Variants in MAGOH observed in about 807,000 individuals in gnomAD.
The protein encoded by MAGOH is mago homolog, exon junction complex subunit.
In MAGOH, 3 loss-of-function variants were observed where a neutral mutation model predicts 20.9. The ratio of observed to expected loss-of-function variants is 0.14; its 90% CI spans 0.07 to 0.37. The LOEUF is 0.37. MAGOH is among the 10% of genes least tolerant of loss of function. The pLI, the probability that MAGOH is intolerant of heterozygous loss-of-function variation, is 1.00. For missense variants in MAGOH, 66 were observed against 178.1 expected, an observed-to-expected ratio of 0.37 and a Z score of 3.58; for synonymous variants, 51 against 61.0, an observed-to-expected ratio of 0.84 and a Z score of 0.76.
At chr1:53,235,412 C>T (rs1227047697) in intron 2 of MAGOH, among the ~76,000 whole-genome samples, 165 bp downstream of exon 2, 3 of 152,140 alleles carry the variant, frequency 2.0e-5, no homozygotes, top group African/African-American at 7.2e-5. Flanking sequence ...ATAAAAAAAT[C>T]CCAACTAAAA....
Position 53,226,983 on chromosome 1 carries a change from G to A in MAGOH, c.*62C>T, listed in dbSNP as rs1041480111. ...CATTTATAGTTCATAAAAAAATACT[G>A]CCCTGATATACACAAAATTTTCTAC... On this transcript the variant is annotated 3_prime_UTR_variant, in exon 5 of 5. Coordinates refer to ENST00000371470, the MANE Select transcript of MAGOH (RefSeq NM_002370.4). The A allele has an allele frequency of 1.2e-5, 10 of 805,718 alleles. No individual in the cohort carries two copies. Among genetic ancestry groups the A allele is most frequent in the Admixed American group, 2.8e-5 (1 of 35,294 alleles). 49.9% of individuals were successfully genotyped at this position (805,718 alleles called of 1,614,324 possible).
intron 3 of MAGOH, among the ~76,000 whole-genome samples, chr1:53,232,738 G>C (rs1645592400): frequency 6.6e-6 from 1 of 152,238 alleles, no homozygotes; most frequent in Non-Finnish European, 1.5e-5. Context: ...GTGGGAGTTT[G>C]AATTTTAAGT....
chr1:53,229,046 T>C, intron 3 of MAGOH, 92 bp from the exon 4 acceptor site: 1 of 823,514 alleles, frequency 1.2e-6, no homozygotes, highest in South Asian at 1.4e-5. Context: ...CACACAAACT[T>C]GACTACAGAT....
intron 3 of MAGOH, among the ~76,000 whole-genome samples, chr1:53,231,176 A>C (rs1190400112): frequency 6.6e-6 from 1 of 152,190 alleles, no homozygotes; most frequent in Non-Finnish European, 1.5e-5. Context: ...TGAAGCCGTA[A>C]ATCTTTTCAT....
At chr1:53,233,449 T>G in intron 3 of MAGOH, 93 bp downstream of exon 3, 5 of 780,190 alleles carry the variant, frequency 6.4e-6, no homozygotes, top group Non-Finnish European at 1.1e-5. Context: ...AGTTAGTAAG[T>G]GAGATAGGCA....
Position 53,233,675 on chromosome 1 carries a change from A to T in MAGOH, c.148-23T>A, listed in dbSNP as rs376446727. 3.4e-6 allele frequency: 5 copies of T among 1,459,284 alleles called. No homozygotes were observed. The African/African-American group carries it at 7.0e-5, about 20-fold the overall frequency. The allele number at this position is 1,459,284 out of a possible 1,614,324, so 90.4% of individuals were successfully genotyped here. ...AGCCTGAACGCAAGTTAAAAAACAAAATGTATGTTGTATCCTTAAGCAGTG... is the reference window on the plus strand; with the variant it reads ...AGCCTGAACGCAAGTTAAAAAACAATATGTATGTTGTATCCTTAAGCAGTG... On this transcript the variant is annotated intron_variant, in intron 2 of 4. Transcript: ENST00000371470.
At chr1:53,234,346 C>T (rs1645601150) in intron 2 of MAGOH, among the ~76,000 whole-genome samples, 1 of 151,678 alleles carries the variant, frequency 6.6e-6, no homozygotes, top group Admixed American at 6.6e-5. Flanking sequence ...AAAAAAGAGA[C>T]TGCGACACCC....
In MAGOH at chr1:53,233,655, G is replaced by A; in HGVS notation, c.148-3C>T. ...ATCACGCTTTTATGTACATAAGCCT[G>A]AACGCAAGTTAAAAAACAAAATGTA... On this transcript the variant is annotated splice_region_variant and splice_polypyrimidine_tract_variant and intron_variant, in intron 2 of 4. Transcript: ENST00000371470. 1 of 1,591,598 alleles carries A rather than the reference G, an allele frequency of 6.3e-7. No homozygotes were observed. Among genetic ancestry groups the A allele is most frequent in the Admixed American group, 1.7e-5 (1 of 59,574 alleles).
chr1:53,226,980 A>G lies in MAGOH; in HGVS notation c.*65T>C. On this transcript the variant is annotated 3_prime_UTR_variant, in exon 5 of 5. Coordinates refer to ENST00000371470, the MANE Select transcript of MAGOH (RefSeq NM_002370.4). ...AATCATTTATAGTTCATAAAAAAAT[A>G]CTGCCCTGATATACACAAAATTTTC... is the stretch of plus-strand genomic sequence containing the variant. The G allele has an allele frequency of 1.3e-6, 1 of 767,300 alleles. No individual in the cohort carries two copies. The allele number at this position is 767,300 out of a possible 1,614,324, so 47.5% of individuals were successfully genotyped here.
intron 3 of MAGOH, among the ~76,000 whole-genome samples, chr1:53,230,297 T>A (rs189302123): frequency 3.5e-4 from 53 of 152,370 alleles, no homozygotes; most frequent in African/African-American, 1.2e-3. Flanking sequence ...ATTGCCATAC[T>A]TGTGTCAGAT....
intron 3 of MAGOH, 183 bp downstream of exon 3, chr1:53,233,359 G>T: frequency 6.0e-6 from 3 of 496,506 alleles, no homozygotes; most frequent in African/African-American, 1.9e-5. Flanking sequence ...TGAATTATTT[G>T]TATGATTTTC....
chr1:53,227,022 C>A lies in MAGOH; in HGVS notation c.*23G>T. On this transcript the variant is annotated 3_prime_UTR_variant, in exon 5 of 5. Coordinates refer to ENST00000371470, the MANE Select transcript of MAGOH (RefSeq NM_002370.4). The stretch of plus-strand genomic sequence containing the variant: ...AAAATTTTCTACTCCCACCCACCCC[C>A]CATGTCCACACCAATATTCAGTCTA... The A allele has an allele frequency of 8.8e-7, 1 of 1,139,656 alleles. No homozygotes were observed. Among genetic ancestry groups the A allele is most frequent in the South Asian group, 1.4e-5 (1 of 70,874 alleles). 70.6% of individuals were successfully genotyped at this position (1,139,656 alleles called of 1,614,324 possible). A position where few individuals can be genotyped will look rare whatever the true frequency, so the allele number is the denominator to read the frequency against.
intron 3 of MAGOH, among the ~76,000 whole-genome samples, chr1:53,231,000 G>A (rs1014421346): frequency 2.0e-5 from 3 of 152,086 alleles, no homozygotes; most frequent in Non-Finnish European, 2.9e-5. Context: ...ATAATTCCTA[G>A]TATTTTAAAT....
chr1:53,228,992 G>T, intron 3 of MAGOH, 38 bp from the exon 4 acceptor site: 1 of 1,341,306 alleles, frequency 7.5e-7, no homozygotes, highest in Non-Finnish European at 1.1e-6. Flanking sequence ...AAGTAGAATT[G>T]GATTATTCAT....
At chr1:53,235,507 T>C in intron 2 of MAGOH, 70 bp downstream of exon 2, 2 of 1,342,744 alleles carry the variant, frequency 1.5e-6, no homozygotes, top group Admixed American at 3.5e-5. Context: ...CTAGAAACAA[T>C]AAAAACAATG....
At chr1:53,234,360 T>C (rs971095621) in intron 2 of MAGOH, among the ~76,000 whole-genome samples, 1 of 150,526 alleles carries the variant, frequency 6.6e-6, no homozygotes, top group African/African-American at 2.4e-5. Context: ...GACACCCACA[T>C]GCCCTGGTTA....
At chr1:53,235,245 G>A (rs1645605505) in intron 2 of MAGOH, among the ~76,000 whole-genome samples, 1 of 152,128 alleles carries the variant, frequency 6.6e-6, no homozygotes, top group Non-Finnish European at 1.5e-5. Context: ...GGAGTGGGAG[G>A]TAGCTTTTAT....
At chr1:53,233,715 G>T in intron 2 of MAGOH, 63 bp from the exon 3 acceptor site, 1 of 1,014,002 alleles carries the variant, frequency 9.9e-7, no homozygotes, top group Non-Finnish European at 1.5e-6. Context: ...GACTCAGATA[G>T]TGATGGAAGA....
chr1:53,227,997 G>C (rs74853279), intron 4 of MAGOH, among the ~76,000 whole-genome samples: 3 of 151,860 alleles, frequency 2.0e-5, no homozygotes, highest in Non-Finnish European at 4.4e-5. Flanking sequence ...CCCTCAAAAC[G>C]TAAGAGCCAA....
Sources: gnomAD v4.1 joint callset for allele counts (sites outside exome capture counted in the v4.1 genomes callset) on GRCh38, gnomAD v4.1.1 for gene constraint, MANE v1.5 for transcripts, NCBI Gene and HGNC (gene_info 2026-07-23, HGNC 2026-07-21) for gene names.